The following BTRC variants were observed in gnomAD, a reference collection of about 807,000 sequenced individuals.
BTRC encodes beta-transducin repeat containing E3 ubiquitin protein ligase, also known as F-box/WD repeat-containing protein 1A.
Under a neutral mutation model 85.5 loss-of-function variants are expected in BTRC, and 42 were observed. That is an observed-to-expected ratio of 0.49 (90% CI 0.38 to 0.64). The LOEUF is 0.64. BTRC is among the 30% of genes least tolerant of loss of function. The pLI, the probability that BTRC is intolerant of heterozygous loss-of-function variation, is 0.00. For synonymous variants in BTRC, 255 were observed against 263.3 expected (o/e 0.97, Z 0.30); for missense variants, 594 against 743.5 (o/e 0.80, Z 2.34).
intron 1 of BTRC, among the ~76,000 whole-genome samples, chr10:101,394,340 G>A (rs920764692): frequency 1.3e-5 from 2 of 152,136 alleles, no homozygotes; most frequent in Non-Finnish European, 2.9e-5. Flanking sequence ...ATACTATTTT[G>A]TATCTTGGAG....
At chr10:101,391,492 C>G (rs1250495125) in intron 1 of BTRC, among the ~76,000 whole-genome samples, 1 of 152,082 alleles carries the variant, frequency 6.6e-6, no homozygotes, top group Non-Finnish European at 1.5e-5. Context: ...GGAAAAATTG[C>G]TTTCATTTCT....
chr10:101,427,874 G>A (rs1564765921), intron 1 of BTRC, among the ~76,000 whole-genome samples: 1 of 151,994 alleles, frequency 6.6e-6, no homozygotes, highest in Non-Finnish European at 1.5e-5. Context: ...AGTATTTATT[G>A]AATAAATGAT....
At chr10:101,429,503 C>CG (rs1944343195) in intron 1 of BTRC, among the ~76,000 whole-genome samples, 3 of 80,874 alleles carry the variant, frequency 3.7e-5, no homozygotes, top group South Asian at 4.8e-4. Flanking sequence ...TTCCTCTCCC[C>CG]TCCCCCCCTC....
At chr10:101,503,304 C>T (rs1413570588) in intron 4 of BTRC, among the ~76,000 whole-genome samples, 1 of 152,130 alleles carries the variant, frequency 6.6e-6, no homozygotes, top group African/African-American at 2.4e-5. Flanking sequence ...TGGTCTTCTA[C>T]ATTTAGTCAT....
At chr10:101,514,253 A>G (rs1468647650) in intron 4 of BTRC, among the ~76,000 whole-genome samples, 1 of 152,166 alleles carries the variant, frequency 6.6e-6, no homozygotes, top group Non-Finnish European at 1.5e-5. Context: ...GAACATGCCA[A>G]TTTACTGACT....
At chr10:101,394,475 G>A (rs1943314391) in intron 1 of BTRC, among the ~76,000 whole-genome samples, 1 of 152,060 alleles carries the variant, frequency 6.6e-6, no homozygotes, top group South Asian at 2.1e-4. Context: ...TCTTAAATAA[G>A]GATTTTTGTC....
chr10:101,481,574 A>G (rs1177720258), intron 4 of BTRC, among the ~76,000 whole-genome samples: 1 of 135,948 alleles, frequency 7.4e-6, no homozygotes, highest in Admixed American at 7.3e-5. Flanking sequence ...TTTTTTTTTA[A>G]TTGTTTTTTT....
chr10:101,471,211 G>A (rs1159985339), intron 3 of BTRC, among the ~76,000 whole-genome samples: 3 of 152,032 alleles, frequency 2.0e-5, no homozygotes, highest in African/African-American at 7.2e-5. Flanking sequence ...AATCAACCTT[G>A]CACTTTCTAT....
chr10:101,372,542 C>G (rs1429140156), intron 1 of BTRC, among the ~76,000 whole-genome samples: 1 of 147,900 alleles, frequency 6.8e-6, no homozygotes, highest in Non-Finnish European at 1.5e-5. Context: ...GTGTGAGCCA[C>G]TGTGCCTGGC....
At chr10:101,455,063 T>C (rs1945040502) in intron 2 of BTRC, among the ~76,000 whole-genome samples, 1 of 151,506 alleles carries the variant, frequency 6.6e-6, no homozygotes, top group Non-Finnish European at 1.5e-5. Context: ...CAAGAAACTT[T>C]TTTTTTTTTT....
At chr10:101,387,291 G>A (rs892236170) in intron 1 of BTRC, among the ~76,000 whole-genome samples, 2 of 151,278 alleles carry the variant, frequency 1.3e-5, no homozygotes, top group Non-Finnish European at 2.9e-5. Flanking sequence ...AGTAATTAGT[G>A]TATGTATCTC....
chr10:101,406,996 C>G (rs1265523591), intron 1 of BTRC, among the ~76,000 whole-genome samples: 1 of 151,950 alleles, frequency 6.6e-6, no homozygotes, highest in East Asian at 1.9e-4. Flanking sequence ...TTGCACTGTC[C>G]AATAGAAACA....
chr10:101,493,596 A>C (rs568936424), intron 4 of BTRC, among the ~76,000 whole-genome samples: 1 of 152,246 alleles, frequency 6.6e-6, no homozygotes, highest in African/African-American at 2.4e-5. Flanking sequence ...GAATGTTAAC[A>C]ATTTACTAAC....
intron 7 of BTRC, 24 bp downstream of exon 7, chr10:101,531,357 T>A: frequency 6.6e-7 from 1 of 1,523,568 alleles, no homozygotes; most frequent in South Asian, 1.1e-5. Flanking sequence ...TATTTTGGGG[T>A]ATTGCCCAAG....
intron 1 of BTRC, among the ~76,000 whole-genome samples, chr10:101,357,781 A>G (rs1942084540): frequency 1.3e-5 from 2 of 152,246 alleles, no homozygotes; most frequent in African/African-American, 2.4e-5. Flanking sequence ...ACCATAATTC[A>G]CACGTGATCG....
chr10:101,391,271 A>AT (rs1445243707), intron 1 of BTRC, among the ~76,000 whole-genome samples: 1 of 152,230 alleles, frequency 6.6e-6, no homozygotes, highest in Admixed American at 6.5e-5. Context: ...AATTCTCTAA[A>AT]TAAATATATT....
At chr10:101,366,828 ATT>A (rs796108094) in intron 1 of BTRC, among the ~76,000 whole-genome samples, 1,413 of 40,434 alleles carry the variant, frequency 0.035, 97 homozygotes, top group East Asian at 0.19. Flanking sequence ...ATTAATATAT[ATT>A]TATATATATT....
At chr10:101,379,420 A>C (rs2133956464) in intron 1 of BTRC, among the ~76,000 whole-genome samples, 1 of 152,366 alleles carries the variant, frequency 6.6e-6, no homozygotes, top group African/African-American at 2.4e-5. Context: ...AAAAAGAATT[A>C]GACGTGATTT....
chr10:101,474,757 A>C (rs1277188039), intron 3 of BTRC, among the ~76,000 whole-genome samples: 1 of 152,162 alleles, frequency 6.6e-6, no homozygotes, highest in Non-Finnish European at 1.5e-5. Context: ...GAGTGCCTTC[A>C]GGGGAAAAGC....
Sources: gnomAD v4.1 joint callset for allele counts (sites outside exome capture counted in the v4.1 genomes callset) on GRCh38, gnomAD v4.1.1 for gene constraint, MANE v1.5 for transcripts, NCBI Gene and HGNC (gene_info 2026-07-23, HGNC 2026-07-21) for gene names.